ELFN2: variants seen among roughly 807,000 people sequenced by gnomAD.
The protein encoded by ELFN2 is protein phosphatase 1 regulatory subunit 29.
A neutral mutation model predicts 45.5 loss-of-function variants in ELFN2; 17 were observed. The ratio of observed to expected loss-of-function variants is 0.37; its 90% CI spans 0.26 to 0.56. ELFN2 has a LOEUF of 0.56. ELFN2 is among the 20% of genes least tolerant of loss of function. The pLI, the probability that ELFN2 is intolerant of heterozygous loss-of-function variation, is 0.77. For synonymous variants in ELFN2, 550 were observed against 551.5 expected (o/e 1.00, Z 0.04); for missense variants, 922 against 1,183.2 (o/e 0.78, Z 3.24).
Position 37,373,027 on chromosome 22 carries a change from C to A in ELFN2, c.*45G>T, listed in dbSNP as rs778062441. ...CCGCCTGGACCCTTCCCCCAAAAGG[C>A]CCCCAGCCCTCTGGCTCCGACCTCA... is the stretch of plus-strand genomic sequence containing the variant. On this transcript the variant is annotated 3_prime_UTR_variant, in exon 3 of 3. Transcript: ENST00000402918. The A allele has an allele frequency of 6.5e-7, 1 of 1,537,112 alleles. No homozygotes were observed. The highest frequency in any genetic ancestry group is 2.3e-5 in the East Asian group (1 of 44,142).
chr22:37,424,049 G>A (rs750932069), intron 1 of ELFN2, among the ~76,000 whole-genome samples: 4 of 152,110 alleles, frequency 2.6e-5, no homozygotes, highest in Admixed American at 6.5e-5. Flanking sequence ...GTCAGGTTTC[G>A]AGGCAATCCT....
At chr22:37,423,559 G>A (rs568656795) in intron 1 of ELFN2, among the ~76,000 whole-genome samples, 1 of 152,282 alleles carries the variant, frequency 6.6e-6, no homozygotes, top group South Asian at 2.1e-4. Flanking sequence ...TTCAAAATGA[G>A]GAATAATAAT....
intron 2 of ELFN2, among the ~76,000 whole-genome samples, chr22:37,395,324 C>T (rs1258121135): frequency 2.8e-4 from 42 of 152,128 alleles, no homozygotes; most frequent in Admixed American, 2.7e-3. Flanking sequence ...AATCGAGTGC[C>T]GACCACACGC....
At chr22:37,419,766 G>T (rs191349556) in intron 1 of ELFN2, among the ~76,000 whole-genome samples, 1 of 152,092 alleles carries the variant, frequency 6.6e-6, no homozygotes, top group South Asian at 2.1e-4. Flanking sequence ...GCACAGCCAC[G>T]CCTGCACGCC....
Position 37,368,574 on chromosome 22 carries a change from G to C in ELFN2, c.*4498C>G, listed in dbSNP as rs1335760859. 6.6e-6 allele frequency: 1 copy of C among 152,318 alleles called. No homozygotes were observed. Among genetic ancestry groups the C allele is most frequent in the African/African-American group, 2.4e-5 (1 of 41,450 alleles). The allele number at this position is 152,318 out of a possible 1,614,324, so 9.4% of individuals were successfully genotyped here. A position where few individuals can be genotyped will look rare whatever the true frequency, so the allele number is the denominator to read the frequency against. On this transcript the variant is annotated 3_prime_UTR_variant, in exon 3 of 3. Coordinates refer to ENST00000402918, the MANE Select transcript of ELFN2 (RefSeq NM_052906.5). ...GTGTCAGGATGGAATCTGAGCATGA[G>C]AGTTAGAGGAGGTCCCCTCTCCTGG...
Position 37,374,821 on chromosome 22 carries a change from G to C in ELFN2, c.714C>G (p.Ile238Met). The C allele has an allele frequency of 6.2e-7, 1 of 1,607,312 alleles. No homozygotes were observed. The highest frequency in any genetic ancestry group is 8.5e-7 in the Non-Finnish European group (1 of 1,179,790). The change falls in exon 3 of 3, where the codon ATC becomes ATG. Residue 238 changes from isoleucine to methionine, a missense_variant. This residue lies in a region of ELFN2 where 358 missense variants were observed against 540.4 expected (regional missense o/e 0.66). Transcript: ENST00000402918. Reference protein sequence around the residue: ...VPRPYHSLNAITVLQAKCRNG... With the variant: ...VPRPYHSLNAMTVLQAKCRNG... ...TCCGACACTTGGCCTGGAGTACGGT[G>C]ATGGCGTTGAGGCTGTGGTAGGGCC...
At chr22:37,355,518 T>C (rs1306792478) in intron 1 of ELFN2, among the ~76,000 whole-genome samples, 1 of 152,154 alleles carries the variant, frequency 6.6e-6, no homozygotes, top group Non-Finnish European at 1.5e-5. Context: ...TTCCTCTCAT[T>C]GTCAAGTCCC....
chr22:37,374,620 C>T lies in ELFN2; in HGVS notation c.915G>A (p.Thr305=), dbSNP rs139016760. ...AGPAIKLHHV[T]FTSATLVVII... ...TGACCACCAGGGTGGCCGAGGTGAA[C>T]GTGACGTGGTGCAGCTTGATGGCTG... The change falls in exon 3 of 3, where the codon ACG becomes ACA. Residue 305 remains threonine, a synonymous_variant. Coordinates refer to ENST00000402918, the MANE Select transcript of ELFN2 (RefSeq NM_052906.5). The T allele has an allele frequency of 1.5e-5, 24 of 1,613,988 alleles. No individual in the cohort carries two copies. In the Middle Eastern group the frequency reaches 6.6e-4, roughly 44 times the overall value.
At chr22:37,365,885 A>G (rs868565503), downstream of ELFN2, among the ~76,000 whole-genome samples, 3 of 137,140 alleles carry the variant, frequency 2.2e-5, no homozygotes, top group Admixed American at 7.8e-5. Context: ...TTTGTCATCT[A>G]TATTTTGTGT....
downstream of ELFN2, among the ~76,000 whole-genome samples, chr22:37,363,168 C>T (rs1931127076): frequency 6.6e-6 from 1 of 152,196 alleles, no homozygotes; most frequent in South Asian, 2.1e-4. Flanking sequence ...CTGACAATTC[C>T]ATCCACCACT....
Position 37,341,248 on chromosome 22 carries a change from G to C in ELFN2, n.252-279C>G, listed in dbSNP as rs559035424. Among the ~76,000 whole-genome samples the C allele has an allele frequency of 4.6e-5, 7 of 152,294 alleles. No homozygotes were observed. The East Asian group carries it at 1.4e-3, about 29-fold the overall frequency. On this transcript the variant is annotated intron_variant and non_coding_transcript_variant, in intron 2 of 2. Coordinates refer to ENST00000452946, the Ensembl canonical transcript of ELFN2. ...CCTCTGAGGCTCGCATGGCAGGGGCGTAGGGCAGGAGCTGAAGGGGTTCAG... is the reference window on the plus strand; with the variant it reads ...CCTCTGAGGCTCGCATGGCAGGGGCCTAGGGCAGGAGCTGAAGGGGTTCAG...
chr22:37,414,516 A>C (rs2145685003), intron 2 of ELFN2, among the ~76,000 whole-genome samples: 1 of 152,278 alleles, frequency 6.6e-6, no homozygotes, highest in East Asian at 1.9e-4. Flanking sequence ...TAAGCCCCCC[A>C]AACCCCTTGC....
intron 1 of ELFN2, among the ~76,000 whole-genome samples, chr22:37,355,170 T>C (rs1930918999): frequency 6.6e-6 from 1 of 152,220 alleles, no homozygotes; most frequent in Non-Finnish European, 1.5e-5. Context: ...AGGTGCTTGC[T>C]AGCCAGTGGG....
intron 2 of ELFN2, among the ~76,000 whole-genome samples, chr22:37,390,091 GTC>G (rs1410381187): frequency 2.0e-5 from 3 of 152,220 alleles, no homozygotes; most frequent in Non-Finnish European, 4.4e-5. Context: ...GCTCTGGTAA[GTC>G]ACACTGCGGC....
intron 2 of ELFN2, among the ~76,000 whole-genome samples, chr22:37,393,248 T>C (rs1932128364): frequency 6.6e-6 from 1 of 152,224 alleles, no homozygotes. Flanking sequence ...TTTCTCTGCG[T>C]GTCTTTTCTT....
At chr22:37,345,017 C>CCTG in intron 1 of ELFN2, among the ~76,000 whole-genome samples, 1 of 152,176 alleles carries the variant, frequency 6.6e-6, no homozygotes, top group African/African-American at 2.4e-5. Context: ...CCCTGAGGGG[C>CCTG]CACGCTCCCG....
intron 2 of ELFN2, among the ~76,000 whole-genome samples, chr22:37,382,932 C>G (rs1223530705): frequency 1.3e-4 from 20 of 152,228 alleles, no homozygotes; most frequent in Admixed American, 1.3e-3. Context: ...TGCTTCTGTT[C>G]ATGGGTGCCA....
At chr22:37,404,531 G>A (rs886721505) in intron 2 of ELFN2, among the ~76,000 whole-genome samples, 58 of 152,092 alleles carry the variant, frequency 3.8e-4, no homozygotes, top group Admixed American at 8.5e-4. Context: ...GGCAGAGCCC[G>A]GGTGGGGCCA....
rs187286365 is a variant in ELFN2 at position 37,412,575 on chromosome 22, G to A, written c.-463+5194C>T. Among the ~76,000 whole-genome samples, 53 of 152,202 alleles carry A rather than the reference G, an allele frequency of 3.5e-4. No homozygotes were observed. The East Asian group carries it at 9.7e-3, about 28-fold the overall frequency. On this transcript the variant is annotated intron_variant, in intron 2 of 2. Transcript: ENST00000402918. ...TCCCTTCTTCCTGGCACTCCTCCAG[G>A]CCTGGCCAGTACCAGGCAGGCTACC... is the stretch of plus-strand genomic sequence containing the variant.
Sources: allele counts gnomAD v4.1 joint callset (sites outside exome capture counted in the v4.1 genomes callset), GRCh38; gene constraint gnomAD v4.1.1; regional missense constraint gnomAD v4.1.1; transcripts MANE v1.5; gene names NCBI Gene and HGNC (gene_info 2026-07-23, HGNC 2026-07-21).